NPL: variants seen among roughly 807,000 people sequenced by gnomAD.
NPL encodes N-acetylneuraminate lyase.
In NPL, 32 loss-of-function variants were observed where a neutral mutation model predicts 41.1. The ratio of observed to expected loss-of-function variants is 0.78; its 90% CI spans 0.59 to 1.05. The LOEUF (loss-of-function observed/expected upper bound fraction) is 1.05. Ranked by LOEUF, NPL falls within the 50% of genes least tolerant of loss-of-function variation. The pLI, the probability that NPL is intolerant of heterozygous loss-of-function variation, is 0.00. For missense variants in NPL, 321 were observed against 378.4 expected, an observed-to-expected ratio of 0.85 and a Z score of 1.26; for synonymous variants, 128 against 134.9, an observed-to-expected ratio of 0.95 and a Z score of 0.35.
rs1203264498 is a variant in NPL at position 182,822,240 on chromosome 1, T to C, written c.738+41T>C. The C allele has an allele frequency of 3.0e-6, 4 of 1,335,914 alleles. No individual in the cohort carries two copies. The East Asian group carries it at 9.2e-5, about 31-fold the overall frequency. 82.8% of individuals were successfully genotyped at this position (1,335,914 alleles called of 1,614,324 possible). A position where few individuals can be genotyped will look rare whatever the true frequency, so the allele number is the denominator to read the frequency against. Reference sequence around the variant, plus strand: ...TCTTCCCATAAATCACAGCCTTTTTTCTTCCCCACTTGAGGATTCTTTTTC... The same window carrying C: ...TCTTCCCATAAATCACAGCCTTTTTCCTTCCCCACTTGAGGATTCTTTTTC... On this transcript the variant is annotated intron_variant, in intron 11 of 12. Transcript: ENST00000367553.
At chr1:182,827,667 T>G (rs1273112732) in intron 12 of NPL, among the ~76,000 whole-genome samples, 1 of 152,200 alleles carries the variant, frequency 6.6e-6, no homozygotes, top group Non-Finnish European at 1.5e-5. Flanking sequence ...GTTCTTTACT[T>G]CTCTTAGCCT....
At chr1:182,800,552 A>T (rs901359870) in intron 3 of NPL, among the ~76,000 whole-genome samples, 3 of 149,104 alleles carry the variant, frequency 2.0e-5, no homozygotes, top group South Asian at 2.1e-4. Flanking sequence ...GGATGATTTC[A>T]CCCCCACTTG....
chr1:182,797,305 T>C (rs1666702274), intron 3 of NPL, among the ~76,000 whole-genome samples: 1 of 152,192 alleles, frequency 6.6e-6, no homozygotes, highest in Non-Finnish European at 1.5e-5. Context: ...TTGCTACCCA[T>C]CATATGGCCC....
chr1:182,808,559 A>G (rs961366373), intron 5 of NPL, among the ~76,000 whole-genome samples: 2 of 152,214 alleles, frequency 1.3e-5, no homozygotes, highest in African/African-American at 4.8e-5. Flanking sequence ...GGAATAGGCA[A>G]GATTGAAAGA....
Position 182,794,356 on chromosome 1 carries a change from A to G in NPL, c.-16A>G. The G allele has an allele frequency of 6.2e-7, 1 of 1,613,524 alleles. No individual in the cohort carries two copies. Among genetic ancestry groups the G allele is most frequent in the Non-Finnish European group, 8.5e-7 (1 of 1,179,386 alleles). On this transcript the variant is annotated splice_region_variant and 5_prime_UTR_variant, in exon 3 of 13. The change abolishes the stop of an existing upstream ORF in the 5' untranslated region. Transcript: ENST00000367553. ...AGAAATTACATTGTATGTTTTCCAG[A>G]CCTACCAGCAGCTCAATGGCCTTCC...
chr1:182,829,656 A>T lies in NPL; in HGVS notation c.*748A>T, dbSNP rs373842812. On this transcript the variant is annotated 3_prime_UTR_variant, in exon 13 of 13. Transcript: ENST00000367553. ...CCAAAGGACTCTTCCTCTGGGCACC[A>T]CAAACTTCCCCTTCCTCCACTGAGA... is the stretch of plus-strand genomic sequence containing the variant. The T allele has an allele frequency of 1.9e-6, 3 of 1,548,102 alleles. No homozygotes were observed. Among genetic ancestry groups the T allele is most frequent in the African/African-American group, 1.4e-5 (1 of 73,010 alleles).
chr1:182,802,865 G>T (rs1230098199), intron 3 of NPL, among the ~76,000 whole-genome samples: 1 of 152,312 alleles, frequency 6.6e-6, no homozygotes, highest in South Asian at 2.1e-4. Flanking sequence ...CGGCGATCTT[G>T]TTAAAATTCA....
At chr1:182,802,162 G>A (rs558182314) in intron 3 of NPL, among the ~76,000 whole-genome samples, 14 of 152,364 alleles carry the variant, frequency 9.2e-5, no homozygotes, top group Admixed American at 7.8e-4. Flanking sequence ...GAACACCTGG[G>A]CTGTTCCAGG....
rs1265250095 is a variant in NPL at position 182,803,786 on chromosome 1, G to T, written c.142+15G>T. 6.4e-7 allele frequency: 1 copy of T among 1,570,386 alleles called. No individual in the cohort carries two copies. The highest frequency in any genetic ancestry group is 8.8e-7 in the Non-Finnish European group (1 of 1,140,302). Reference sequence around the variant, plus strand: ...GAACATTTTTGGTAAGTCAACTCTGGGGATGTCGCTGCATGTCTCCAGCTC... The same window carrying T: ...GAACATTTTTGGTAAGTCAACTCTGTGGATGTCGCTGCATGTCTCCAGCTC... On this transcript the variant is annotated intron_variant, in intron 4 of 12. Transcript: ENST00000367553.
At chr1:182,825,962 G>A (rs973312255) in intron 12 of NPL, 142 bp downstream of exon 12, 9 of 772,496 alleles carry the variant, frequency 1.2e-5, no homozygotes, top group African/African-American at 3.4e-5. Flanking sequence ...ATTAACCCTC[G>A]GGGCCAACCA....
At chr1:182,819,504 G>A (rs1486303031) in intron 10 of NPL, among the ~76,000 whole-genome samples, 4 of 151,792 alleles carry the variant, frequency 2.6e-5, no homozygotes, top group Non-Finnish European at 5.9e-5. Flanking sequence ...CCAGCTACTC[G>A]GGAGGCTGAG....
intron 5 of NPL, among the ~76,000 whole-genome samples, chr1:182,808,991 A>G (rs1407969920): frequency 2.0e-5 from 3 of 149,804 alleles, no homozygotes; most frequent in Non-Finnish European, 4.4e-5. Flanking sequence ...TGGTGAATTG[A>G]TACCTTTGAT....
Position 182,818,576 on chromosome 1 carries a change from A to G in NPL, c.493A>G (p.Lys165Glu), listed in dbSNP as rs766018033. The G allele has an allele frequency of 8.1e-6, 13 of 1,614,086 alleles. No individual in the cohort carries two copies. In the Admixed American group the frequency reaches 2.2e-4, roughly 27 times the overall value. Reference sequence around the variant, plus strand: ...GGAGTTGTTGGATGGGATTCTGGATAAGATCCCCACCTTCCAAGGGCTGAA... The same window carrying G: ...GGAGTTGTTGGATGGGATTCTGGATGAGATCCCCACCTTCCAAGGGCTGAA... ...AEELLDGILD[K>E]IPTFQGLKFS... The change falls in exon 9 of 13, where the codon AAG becomes GAG. Residue 165 changes from lysine to glutamate, a missense_variant. Physicochemically the swap from Lys to Glu is moderately conservative, Grantham distance 56. Transcript: ENST00000367553.
intron 3 of NPL, among the ~76,000 whole-genome samples, chr1:182,797,171 GAA>G (rs1666697986): frequency 6.6e-6 from 1 of 151,924 alleles, no homozygotes; most frequent in Non-Finnish European, 1.5e-5. Context: ...CATTAAATAA[GAA>G]TGTATAAAGT....
Position 182,829,029 on chromosome 1 carries a change from A to G in NPL, c.*121A>G. Reference sequence around the variant, plus strand: ...CTCTCCTAGCAAATGAAATCTCACAATAAGCATTGAGGTACCTTTTGTGAG... The same window carrying G: ...CTCTCCTAGCAAATGAAATCTCACAGTAAGCATTGAGGTACCTTTTGTGAG... On this transcript the variant is annotated 3_prime_UTR_variant, in exon 13 of 13. Transcript: ENST00000367553. The G allele has an allele frequency of 1.3e-6, 2 of 1,563,160 alleles. No individual in the cohort carries two copies. The highest frequency in any genetic ancestry group is 1.7e-6 in the Non-Finnish European group (2 of 1,162,292).
rs1667615499 is a variant in NPL at position 182,825,786 on chromosome 1, T to C, written c.744T>C (p.Cys248=). 6.3e-7 allele frequency: 1 copy of C among 1,581,958 alleles called. No homozygotes were observed. The highest frequency in any genetic ancestry group is 1.3e-5 in the African/African-American group (1 of 74,186). Residue 248 remains cysteine, a synonymous_variant, in exon 12 of 13, where the codon TGT becomes TGC. Coordinates refer to ENST00000367553, the MANE Select transcript of NPL (RefSeq NM_030769.3). ...GATATGTTGTTCTTTTCTAGTTTTGTATCCAGAGATTTATCAACTTTGTTG... is the reference window on the plus strand; with the variant it reads ...GATATGTTGTTCTTTTCTAGTTTTGCATCCAGAGATTTATCAACTTTGTTG... The part of the protein sequence containing the change: ...DFSLALNYQF[C]IQRFINFVVK...
intron 3 of NPL, among the ~76,000 whole-genome samples, chr1:182,797,976 T>C (rs1447925171): frequency 6.6e-6 from 1 of 152,210 alleles, no homozygotes; most frequent in Non-Finnish European, 1.5e-5. Context: ...GTGCTGATAG[T>C]CGAGAAAAAG....
chr1:182,794,293 C>A, intron 2 of NPL, 63 bp from the exon 3 acceptor site: 1 of 1,363,646 alleles, frequency 7.3e-7, no homozygotes, highest in Non-Finnish European at 1.1e-6. Flanking sequence ...ATGGACTTTG[C>A]CTGGGAGTTT....
chr1:182,822,270 C>A, intron 11 of NPL, 71 bp downstream of exon 11: 1 of 985,858 alleles, frequency 1.0e-6, no homozygotes, highest in Non-Finnish European at 1.6e-6. Flanking sequence ...TTTTTCTTCT[C>A]TCTACCATGC....
Sources: gnomAD v4.1 joint callset for allele counts (sites outside exome capture counted in the v4.1 genomes callset) on GRCh38, gnomAD v4.1.1 for gene constraint, MANE v1.5 for transcripts, NCBI Gene and HGNC (gene_info 2026-07-23, HGNC 2026-07-21) for gene names.